Variants in SORT1 observed in about 807,000 individuals in gnomAD.
SORT1 encodes the protein sortilin 1, also known as sortilin.
SORT1 carries 39 observed loss-of-function variants against 101.7 expected under a neutral mutation model. The ratio of observed to expected loss-of-function variants is 0.38; its 90% CI spans 0.30 to 0.50. SORT1 has a LOEUF of 0.50. Ranked by LOEUF, SORT1 falls within the 20% of genes least tolerant of loss-of-function variation. The probability of loss-of-function intolerance (pLI) is 0.90; values close to 1 mark genes in which losing one functional copy is unlikely to be tolerated. For missense variants in SORT1, 878 were observed against 1,040.4 expected (o/e 0.84, Z 2.15); for synonymous variants, 396 against 393.7 (o/e 1.01, Z -0.07).
At chr1:109,375,013 C>G (rs1374213048) in intron 1 of SORT1, among the ~76,000 whole-genome samples, 2 of 152,148 alleles carry the variant, frequency 1.3e-5, no homozygotes, top group Non-Finnish European at 2.9e-5. Flanking sequence ...AGATTAGACA[C>G]TGTAGAAGAG....
intron 10 of SORT1, among the ~76,000 whole-genome samples, chr1:109,338,427 T>C (rs1648987546): frequency 6.6e-6 from 1 of 152,164 alleles, no homozygotes; most frequent in Non-Finnish European, 1.5e-5. Flanking sequence ...CCCTACCTCC[T>C]ACCGAAAAAT....
intron 2 of SORT1, 74 bp downstream of exon 2, chr1:109,369,456 G>A: frequency 2.2e-6 from 2 of 909,370 alleles, no homozygotes; most frequent in Non-Finnish European, 3.7e-6. Context: ...AATGATATTA[G>A]GTGCTTAACC....
chr1:109,326,464 T>TATATATATATATAC (rs1403742313), intron 13 of SORT1, among the ~76,000 whole-genome samples: 2 of 64,106 alleles, frequency 3.1e-5, no homozygotes, highest in African/African-American at 1.2e-4. Flanking sequence ...TATATATATA[T>TATATATATATATAC]ACATACACAC....
chr1:109,321,344 G>A (rs1210833521), intron 15 of SORT1, among the ~76,000 whole-genome samples: 1 of 152,114 alleles, frequency 6.6e-6, no homozygotes, highest in Non-Finnish European at 1.5e-5. Flanking sequence ...GGTGAAGCAG[G>A]GACTGTGGAA....
chr1:109,371,026 C>T (rs144291420), intron 1 of SORT1, among the ~76,000 whole-genome samples: 18 of 152,306 alleles, frequency 1.2e-4, no homozygotes, highest in African/African-American at 3.6e-4. Flanking sequence ...TCCGAATTCA[C>T]GTATGTGATT....
chr1:109,368,878 C>G (rs1030527629), intron 2 of SORT1: 8 of 152,342 alleles, frequency 5.3e-5, no homozygotes, highest in African/African-American at 1.9e-4. Flanking sequence ...TGGACATTTT[C>G]TGTTTCTATA....
chr1:109,315,918 C>T (rs534960756), intron 17 of SORT1, among the ~76,000 whole-genome samples: 12 of 151,756 alleles, frequency 7.9e-5, no homozygotes, highest in Admixed American at 2.0e-4. Flanking sequence ...CCACCACATC[C>T]GGCTAATTTT....
intron 13 of SORT1, among the ~76,000 whole-genome samples, chr1:109,326,490 T>TACACAC: frequency 3.0e-5 from 2 of 67,604 alleles, no homozygotes; most frequent in African/African-American, 8.6e-5. Context: ...CACACATATA[T>TACACAC]ATACACACAT....
intron 4 of SORT1, among the ~76,000 whole-genome samples, chr1:109,355,111 C>T (rs978694587): frequency 6.6e-6 from 1 of 152,118 alleles, no homozygotes; most frequent in Non-Finnish European, 1.5e-5. Context: ...GTCCCAGCTA[C>T]TCAAGTGACT....
intron 8 of SORT1, among the ~76,000 whole-genome samples, chr1:109,345,290 G>C (rs1213443118): frequency 6.6e-6 from 1 of 152,136 alleles, no homozygotes; most frequent in Non-Finnish European, 1.5e-5. Flanking sequence ...TGAGGCGGGG[G>C]GATCACCTGA....
Position 109,314,742 on chromosome 1 carries a change from T to C in SORT1, c.2287A>G (p.Ile763Val). The C allele has an allele frequency of 1.2e-6, 2 of 1,609,082 alleles. No homozygotes were observed. The stretch of plus-strand genomic sequence containing the variant: ...ACTGTGACCAGCATCAATCCCACGA[T>C]GGCCAGGATAATTGGAACAGAATTT... Reference protein sequence around the residue: ...KSNSVPIILAIVGLMLVTVVA... With the variant: ...KSNSVPIILAVVGLMLVTVVA... The change falls in exon 18 of 20, where the codon ATC (isoleucine) becomes GTC (valine). Residue 763 changes from isoleucine (I) to valine (V), a missense_variant. Physicochemically the swap from Ile to Val is conservative, Grantham distance 29. Coordinates refer to ENST00000256637, the MANE Select transcript of SORT1 (RefSeq NM_002959.7).
At chr1:109,325,377 G>T (rs1309441020) in intron 13 of SORT1, among the ~76,000 whole-genome samples, 1 of 151,648 alleles carries the variant, frequency 6.6e-6, no homozygotes, top group East Asian at 2.0e-4. Context: ...GAGTAGCTGG[G>T]ATTACAGGAA....
At chr1:109,350,478 C>T (rs146577898) in intron 6 of SORT1, among the ~76,000 whole-genome samples, 2 of 152,256 alleles carry the variant, frequency 1.3e-5, no homozygotes, top group South Asian at 2.1e-4. Flanking sequence ...AGTTGTGGTG[C>T]GCAATGTGAC....
intron 4 of SORT1, among the ~76,000 whole-genome samples, chr1:109,355,164 C>A (rs1006676923): frequency 6.6e-6 from 1 of 152,010 alleles, no homozygotes; most frequent in Non-Finnish European, 1.5e-5. Flanking sequence ...AAGGCTGCAG[C>A]GAGCCGTGAC....
intron 17 of SORT1, among the ~76,000 whole-genome samples, chr1:109,315,278 C>T (rs1658963372): frequency 6.6e-6 from 1 of 152,010 alleles, no homozygotes; most frequent in Admixed American, 6.6e-5. Context: ...CTTATCATAT[C>T]ACTGTTTGCA....
At chr1:109,331,648 T>C (rs1298362269) in intron 11 of SORT1, among the ~76,000 whole-genome samples, 1 of 152,130 alleles carries the variant, frequency 6.6e-6, no homozygotes, top group Non-Finnish European at 1.5e-5. Flanking sequence ...TCACCACTTC[T>C]GTTCATTATA....
chr1:109,322,936 G>C lies in SORT1; in HGVS notation c.2020C>G (p.Leu674Val), dbSNP rs1647736313. The C allele has an allele frequency of 6.2e-7, 1 of 1,611,406 alleles. No homozygotes were observed. ...SICLCSLEDF[L>V]CDFGYYRPEN... ...AAATCTGAGGAATGCTGATACCAGA[G>C]AAAGTCCTCCAGGGAACAGAGGCAG... The change falls in exon 15 of 20, where the codon CTC becomes GTC. Residue 674 changes from leucine to valine, a missense_variant. Physicochemically the swap from Leu to Val is conservative, Grantham distance 32. This residue lies in a region of SORT1 where 684 missense variants were observed against 894.5 expected (regional missense o/e 0.76). Coordinates refer to ENST00000256637, the MANE Select transcript of SORT1 (RefSeq NM_002959.7).
At chr1:109,365,032 C>T (rs549953244) in intron 3 of SORT1, among the ~76,000 whole-genome samples, 2 of 152,276 alleles carry the variant, frequency 1.3e-5, no homozygotes, top group East Asian at 1.9e-4. Context: ...TTCCACATTG[C>T]CTCCCAATAC....
At chr1:109,361,703 T>TAC (rs1204779075) in intron 3 of SORT1, among the ~76,000 whole-genome samples, 1 of 152,230 alleles carries the variant, frequency 6.6e-6, no homozygotes, top group Non-Finnish European at 1.5e-5. Flanking sequence ...AGAAAGCTTA[T>TAC]ACAATCTTCA....
Sources: gnomAD v4.1 joint callset for allele counts (sites outside exome capture counted in the v4.1 genomes callset) on GRCh38, gnomAD v4.1.1 for gene constraint, gnomAD v4.1.1 regional missense constraint, MANE v1.5 for transcripts, NCBI Gene and HGNC (gene_info 2026-07-23, HGNC 2026-07-21) for gene names.